MARCHF10: variants seen among roughly 807,000 people sequenced by gnomAD.
The protein encoded by MARCHF10 is probable E3 ubiquitin-protein ligase MARCHF10.
A neutral mutation model predicts 76.2 loss-of-function variants in MARCHF10; 64 were observed. The ratio of observed to expected loss-of-function variants is 0.84; its 90% confidence interval spans 0.69 to 1.03. The LOEUF (loss-of-function observed/expected upper bound fraction) is 1.03, where lower values mean the gene tolerates loss of function less well. Ranked by LOEUF, MARCHF10 falls within the 50% of genes least tolerant of loss-of-function variation. The pLI, the probability that MARCHF10 is intolerant of heterozygous loss-of-function variation, is 0.00. For synonymous variants in MARCHF10, 340 were observed against 357.5 expected (o/e 0.95, Z 0.55); for missense variants, 875 against 958.0 (o/e 0.91, Z 1.14).
At chr17:62,746,938 G>C (rs1440691554) in intron 4 of MARCHF10, 1 of 1,536,058 alleles carries the variant, frequency 6.5e-7, no homozygotes, top group Non-Finnish European at 8.7e-7. Flanking sequence ...GTCCTCCGAG[G>C]TCTGTTTCCG....
chr17:62,807,692 G>A (rs972643602), intron 1 of MARCHF10, among the ~76,000 whole-genome samples: 1 of 152,032 alleles, frequency 6.6e-6, no homozygotes, highest in Non-Finnish European at 1.5e-5. Context: ...GAGCCTGGGA[G>A]GTCGAGGCTG....
chr17:62,702,746 G>A (rs1215655806), intron 10 of MARCHF10, among the ~76,000 whole-genome samples: 13 of 152,174 alleles, frequency 8.5e-5, no homozygotes, highest in Non-Finnish European at 1.5e-5. Flanking sequence ...CGGAGCAGGA[G>A]CAACTGACAT....
At chr17:62,725,193 A>G in intron 6 of MARCHF10, 89 bp from the exon 7 acceptor site, 2 of 1,271,824 alleles carry the variant, frequency 1.6e-6, no homozygotes, top group Non-Finnish European at 2.1e-6. Flanking sequence ...ACAGAGAAGG[A>G]AGAGGGCTCC....
At chr17:62,789,646 T>C (rs888192306) in intron 2 of MARCHF10, among the ~76,000 whole-genome samples, 3 of 152,190 alleles carry the variant, frequency 2.0e-5, no homozygotes, top group Admixed American at 6.5e-5. Context: ...TTTAGCTGAA[T>C]TGCAGCTGGC....
At chr17:62,722,442 T>G (rs1205512793) in intron 8 of MARCHF10, 46 bp downstream of exon 8, 27 of 1,387,890 alleles carry the variant, frequency 1.9e-5, no homozygotes, top group Non-Finnish European at 2.5e-5. Context: ...GCCCTGCCCC[T>G]CTAACATACT....
At chr17:62,705,207 C>T (rs1377451081) in intron 10 of MARCHF10, 2 of 1,259,212 alleles carry the variant, frequency 1.6e-6, no homozygotes, top group Non-Finnish European at 2.0e-6. Flanking sequence ...AAAAAACCAA[C>T]CCCCAAACTC....
chr17:62,743,048 G>A (rs1001203336), intron 5 of MARCHF10, among the ~76,000 whole-genome samples: 17 of 152,152 alleles, frequency 1.1e-4, no homozygotes, highest in African/African-American at 4.1e-4. Flanking sequence ...GCTGGTCAGT[G>A]TATTATTTTA....
intron 2 of MARCHF10, 152 bp downstream of exon 2, chr17:62,801,494 G>C (rs1407396292): frequency 9.8e-6 from 5 of 508,756 alleles, no homozygotes; most frequent in African/African-American, 7.9e-5. Flanking sequence ...AGGATACAGA[G>C]AGGTGAAGTG....
chr17:62,756,441 A>G (rs2092046368), intron 4 of MARCHF10, among the ~76,000 whole-genome samples: 1 of 152,144 alleles, frequency 6.6e-6, no homozygotes, highest in Admixed American at 6.5e-5. Context: ...GTAAGACCCC[A>G]TCTCTATAAT....
intron 2 of MARCHF10, among the ~76,000 whole-genome samples, chr17:62,789,094 A>AC (rs2092799329): frequency 6.6e-6 from 1 of 151,090 alleles, no homozygotes; most frequent in Admixed American, 6.6e-5. Context: ...AAAAAAAAAA[A>AC]CGCAGGTCAG....
At chr17:62,784,815 A>G (rs1168102377) in intron 3 of MARCHF10, among the ~76,000 whole-genome samples, 2 of 152,190 alleles carry the variant, frequency 1.3e-5, no homozygotes, top group Admixed American at 6.5e-5. Flanking sequence ...TCCAACTTAC[A>G]AGGGATGTGA....
At chr17:62,758,387 C>CA (rs1419593653) in intron 4 of MARCHF10, among the ~76,000 whole-genome samples, 5 of 151,978 alleles carry the variant, frequency 3.3e-5, no homozygotes, top group Non-Finnish European at 5.9e-5. Context: ...CAACAAAAAA[C>CA]AAAAAAACCC....
chr17:62,708,108 A>G (rs2089699317), intron 9 of MARCHF10, among the ~76,000 whole-genome samples: 1 of 152,218 alleles, frequency 6.6e-6, no homozygotes, highest in African/African-American at 2.4e-5. Flanking sequence ...AAAAAGAGAA[A>G]GAAAATCTTT....
intron 2 of MARCHF10, among the ~76,000 whole-genome samples, chr17:62,797,073 G>A (rs1176968657): frequency 1.3e-5 from 2 of 152,170 alleles, no homozygotes; most frequent in Non-Finnish European, 2.9e-5. Context: ...GCTCTGTGCA[G>A]GAAGCATGAA....
Position 62,711,303 on chromosome 17 carries a change from C to T in MARCHF10, c.2256G>A (p.Leu752=), listed in dbSNP as rs768281398. Residue 752 remains leucine, a synonymous_variant, in exon 9 of 11, where the codon CTG becomes CTA. Transcript: ENST00000311269. This position sits in a 1 kb window ranked among gnomAD's most constrained non-coding sequence, Gnocchi z 4.4. ...ACCTCTGCTCATAGAGGTGAAGCAG[C>T]AGCACCAGGTACAAGCCTGAATTCA... ...ELMNSGLYLV[L]LLHLYEQRFA... is the part of the protein sequence containing the mutation. 8.7e-5 allele frequency: 141 copies of T among 1,614,048 alleles called. No homozygotes were observed. The highest frequency in any genetic ancestry group is 1.1e-4 in the Non-Finnish European group (125 of 1,180,002).
intron 2 of MARCHF10, among the ~76,000 whole-genome samples, chr17:62,798,406 C>A (rs1371244765): frequency 2.0e-5 from 3 of 149,294 alleles, no homozygotes. Context: ...GGAGGATGAC[C>A]TGAGGCCAGG....
rs552342957 is a variant in MARCHF10 at position 62,750,721 on chromosome 17, G to T, written c.383-6193C>A. 1.1e-4 allele frequency among the ~76,000 whole-genome samples: 16 copies of T among 152,338 alleles called. 1 individual carries two copies. The highest frequency in any genetic ancestry group is 8.5e-4 in the Admixed American group (13 of 15,300). On this transcript the variant is annotated intron_variant, in intron 4 of 10. Transcript: ENST00000311269. ...GTCACTGCGGAGTTAACCAAGGGAA[G>T]CGGCACCAGCATCACACCCTGTTCC... is the stretch of plus-strand genomic sequence containing the variant.
At chr17:62,793,240 A>C in intron 2 of MARCHF10, among the ~76,000 whole-genome samples, 1 of 101,062 alleles carries the variant, frequency 9.9e-6, no homozygotes, top group South Asian at 3.4e-4. Context: ...CACCACCTCC[A>C]CCACCACCAC....
At chr17:62,780,439 C>A (rs1169233557) in intron 3 of MARCHF10, among the ~76,000 whole-genome samples, 3 of 152,178 alleles carry the variant, frequency 2.0e-5, no homozygotes, top group African/African-American at 7.2e-5. Context: ...CAGCCTTCCT[C>A]TGGAGGCGCA....
Sources: gnomAD v4.1 joint callset for allele counts (sites outside exome capture counted in the v4.1 genomes callset) on GRCh38, gnomAD v4.1.1 for gene constraint, Gnocchi (gnomAD v3.1) non-coding constraint, MANE v1.5 for transcripts, NCBI Gene and HGNC (gene_info 2026-07-23, HGNC 2026-07-21) for gene names.